The following MICU1 variants were observed in gnomAD, a reference collection of about 807,000 sequenced individuals.
The protein encoded by MICU1 is calcium uptake protein 1, mitochondrial.
A neutral mutation model predicts 56.8 loss-of-function variants in MICU1; 45 were observed. The ratio of observed to expected loss-of-function variants is 0.79; its 90% CI spans 0.62 to 1.02. The LOEUF is 1.02. Among genes scored for constraint, MICU1 ranks in the 50% least tolerant of loss-of-function variants. The pLI, the probability that MICU1 is intolerant of heterozygous loss-of-function variation, is 0.00. For missense variants in MICU1, 504 were observed against 587.1 expected (o/e 0.86, Z 1.46); for synonymous variants, 186 against 195.1 (o/e 0.95, Z 0.39).
Position 72,475,230 on chromosome 10 carries a change from T to C in MICU1, c.803A>G (p.Asn268Ser). The C allele has an allele frequency of 1.9e-6, 3 of 1,610,630 alleles. No homozygotes were observed. The highest frequency in any genetic ancestry group is 1.3e-5 in the African/African-American group (1 of 74,980). ...MRHRDRPTTG[N>S]TLKSGLCSAL... Reference sequence around the variant, plus strand: ...TGAACACAAGCCAGACTTGAGGGTGTTGCCAGTAGTTGGACGATCTCTGTG... The same window carrying C: ...TGAACACAAGCCAGACTTGAGGGTGCTGCCAGTAGTTGGACGATCTCTGTG... The change falls in exon 8 of 12, where the codon AAC (asparagine) becomes AGC (serine). Residue 268 changes from asparagine to serine, a missense_variant. Asn to Ser is a conservative substitution (Grantham distance 46). Coordinates refer to ENST00000361114, the MANE Select transcript of MICU1 (RefSeq NM_001195518.2).
rs755345476 is a variant in MICU1 at position 72,477,536 on chromosome 10, T to TTTCAGAGACACCATC, written c.653-295_653-281dup. The TTTCAGAGACACCATC allele has an allele frequency of 1.1e-5, 17 of 1,535,610 alleles. No homozygotes were observed. The South Asian group carries it at 1.9e-4, about 17-fold the overall frequency. On this transcript the variant is annotated intron_variant, in intron 6 of 11. Transcript: ENST00000361114. ...TTTGCCTTAAATGATTTAGCTTTGC[T>TTTCAGAGACACCATC]TTCAGAGACACCATCTTCTTAGCTT...
intron 1 of MICU1, among the ~76,000 whole-genome samples, chr10:72,607,697 T>C (rs1238254959): frequency 6.6e-6 from 1 of 150,622 alleles, no homozygotes; most frequent in African/African-American, 2.4e-5. Context: ...TCTTGAGTCC[T>C]GTGAGCTGCT....
At chr10:72,613,607 A>G (rs950683794) in intron 1 of MICU1, among the ~76,000 whole-genome samples, 3 of 151,966 alleles carry the variant, frequency 2.0e-5, no homozygotes, top group Non-Finnish European at 2.9e-5. Flanking sequence ...ATTCTCCTAC[A>G]CAACTACAAT....
intron 8 of MICU1, among the ~76,000 whole-genome samples, chr10:72,429,745 A>G (rs1235739366): frequency 1.3e-5 from 2 of 152,216 alleles, no homozygotes; most frequent in Admixed American, 6.5e-5. Context: ...ACTGATTTCT[A>G]TAAGGATAGT....
chr10:72,591,411 T>A lies in MICU1; in HGVS notation c.-1-24617A>T, dbSNP rs552258178. On this transcript the variant is annotated intron_variant, in intron 1 of 11. Transcript: ENST00000361114. ...GAAATGAATGAAAAAGAGAAAAAAA[T>A]AGAGAAAAATCAGTAAAACCAAAAG... Among the ~76,000 whole-genome samples, 191 of 148,986 alleles carry A rather than the reference T, an allele frequency of 1.3e-3. 1 individual carries two copies. The highest frequency in any genetic ancestry group is 4.1e-3 in the African/African-American group (167 of 40,480).
intron 9 of MICU1, among the ~76,000 whole-genome samples, chr10:72,421,991 TCACA>T (rs1864189906): frequency 6.6e-6 from 1 of 152,170 alleles, no homozygotes; most frequent in Non-Finnish European, 1.5e-5. Context: ...TTTCAGTTCT[TCACA>T]CATACCAGGT....
chr10:72,519,066 C>T (rs1448443320), intron 5 of MICU1, among the ~76,000 whole-genome samples: 1 of 152,214 alleles, frequency 6.6e-6, no homozygotes, highest in Non-Finnish European at 1.5e-5. Context: ...AGTTACATTT[C>T]AAACTTGATT....
rs577497896 is a variant in MICU1, at chr10:72,544,220, T to G, written c.493+6959A>C. ...CCCTCTCACACAGACCCCCTTAGAG[T>G]TGTAAGCCCTTAAAAGGGACAGGAA... On this transcript the variant is annotated intron_variant, in intron 4 of 11. Coordinates refer to ENST00000361114, the MANE Select transcript of MICU1 (RefSeq NM_001195518.2). Among the ~76,000 whole-genome samples, 9 of 152,170 alleles carry G rather than the reference T, an allele frequency of 5.9e-5. No individual in the cohort carries two copies. In the South Asian group the frequency reaches 1.5e-3, roughly 25 times the overall value.
At chr10:72,540,267 C>CAAAAAAAAAA (rs11287541) in intron 4 of MICU1, among the ~76,000 whole-genome samples, 5 of 85,424 alleles carry the variant, frequency 5.9e-5, no homozygotes, top group African/African-American at 1.3e-4. Flanking sequence ...AACTCCATCT[C>CAAAAAAAAAA]AAAAAAAAAA....
At chr10:72,441,452 G>A (rs1257656942) in intron 8 of MICU1, among the ~76,000 whole-genome samples, 1 of 150,870 alleles carries the variant, frequency 6.6e-6, no homozygotes, top group Non-Finnish European at 1.5e-5. Flanking sequence ...AATACCTAAT[G>A]TAAATGATGA....
At chr10:72,381,443 AG>A (rs1217830092) in intron 10 of MICU1, among the ~76,000 whole-genome samples, 2 of 152,052 alleles carry the variant, frequency 1.3e-5, no homozygotes, top group Non-Finnish European at 2.9e-5. Context: ...TCCTTCCATG[AG>A]CTTTTGTTAA....
intron 6 of MICU1, among the ~76,000 whole-genome samples, chr10:72,494,854 A>AAAC (rs1866785139): frequency 6.6e-6 from 1 of 152,026 alleles, no homozygotes; most frequent in African/African-American, 2.4e-5. Flanking sequence ...AAAAAAAAAA[A>AAAC]AACAAAACAA....
intron 1 of MICU1, among the ~76,000 whole-genome samples, chr10:72,621,507 A>G (rs1842104809): frequency 6.6e-6 from 1 of 152,078 alleles, no homozygotes; most frequent in South Asian, 2.1e-4. Context: ...AATAATAATA[A>G]TAATAAAAAA....
At chr10:72,409,547 C>T (rs1044279287) in intron 9 of MICU1, among the ~76,000 whole-genome samples, 5 of 152,184 alleles carry the variant, frequency 3.3e-5, no homozygotes, top group East Asian at 1.9e-4. Flanking sequence ...AAAAGTTAGC[C>T]GAGTGTGGTG....
At chr10:72,502,030 T>G (rs762478517) in intron 6 of MICU1, among the ~76,000 whole-genome samples, 1 of 152,232 alleles carries the variant, frequency 6.6e-6, no homozygotes, top group Non-Finnish European at 1.5e-5. Context: ...GACCACATAG[T>G]AGTTCATAAG....
chr10:72,372,913 CA>C (rs773051618), intron 11 of MICU1, among the ~76,000 whole-genome samples: 659 of 48,486 alleles, frequency 0.014, 1 homozygote, highest in Admixed American at 0.027. Context: ...GAGTGAGCCT[CA>C]AAAAAAAAAA....
intron 8 of MICU1, among the ~76,000 whole-genome samples, chr10:72,471,948 A>G (rs61864709): frequency 9.9e-6 from 1 of 101,074 alleles, no homozygotes; most frequent in African/African-American, 3.9e-5. Flanking sequence ...GTGTGTGTGT[A>G]TTTGTTGTAA....
intron 3 of MICU1, among the ~76,000 whole-genome samples, chr10:72,552,949 T>C (rs1366497526): frequency 6.6e-6 from 1 of 152,232 alleles, no homozygotes; most frequent in Non-Finnish European, 1.5e-5. Context: ...CAGCAGCTGT[T>C]TAACAAGGCT....
chr10:72,560,288 T>G (rs1348880303), intron 3 of MICU1: 1 of 152,228 alleles, frequency 6.6e-6, no homozygotes, highest in African/African-American at 2.4e-5. Flanking sequence ...CATCCAGAGG[T>G]TCACAACCTC....
Sources: gnomAD v4.1 joint callset for allele counts (sites outside exome capture counted in the v4.1 genomes callset) on GRCh38, gnomAD v4.1.1 for gene constraint, MANE v1.5 for transcripts, NCBI Gene and HGNC (gene_info 2026-07-23, HGNC 2026-07-21) for gene names.